POU6F2: variants seen among roughly 807,000 people sequenced by gnomAD.
The protein encoded by POU6F2 is POU class 6 homeobox 2.
A neutral mutation model predicts 71.3 loss-of-function variants in POU6F2; 31 were observed. The observed-to-expected ratio is 0.43, with a 90% CI of 0.33 to 0.59. The LOEUF (loss-of-function observed/expected upper bound fraction) is 0.59, where lower values mean the gene tolerates loss of function less well. Ranked by LOEUF, POU6F2 falls within the 20% of genes least tolerant of loss-of-function variation. The probability of loss-of-function intolerance (pLI) is 0.04; values close to 1 mark genes in which losing one functional copy is unlikely to be tolerated. For synonymous variants in POU6F2, 347 were observed against 355.7 expected, an observed-to-expected ratio of 0.98 and a Z score of 0.27; for missense variants, 783 against 856.8, an observed-to-expected ratio of 0.91 and a Z score of 1.07.
intron 5 of POU6F2, among the ~76,000 whole-genome samples, chr7:39,352,588 G>T (rs1383282601): frequency 6.6e-6 from 1 of 152,188 alleles, no homozygotes; most frequent in African/African-American, 2.4e-5. Flanking sequence ...TAAGGGGGCA[G>T]GGGTGCAGGA....
intron 1 of POU6F2, among the ~76,000 whole-genome samples, chr7:38,989,365 TTAA>T (rs1436798129): frequency 6.6e-6 from 1 of 152,020 alleles, no homozygotes; most frequent in Non-Finnish European, 1.5e-5. Context: ...ATTTAATTGT[TTAA>T]TAATTAAAAC....
At chr7:39,235,018 T>C (rs1298513640) in intron 4 of POU6F2, among the ~76,000 whole-genome samples, 1 of 152,240 alleles carries the variant, frequency 6.6e-6, no homozygotes, top group African/African-American at 2.4e-5. Context: ...TTTATGCGTT[T>C]GTAGCGCCTT....
At chr7:39,227,256 C>T (rs886197244) in intron 4 of POU6F2, among the ~76,000 whole-genome samples, 46 of 152,208 alleles carry the variant, frequency 3.0e-4, no homozygotes, top group Non-Finnish European at 3.5e-4. Context: ...TTGCTTAGAA[C>T]GTCCTCTTTT....
At chr7:39,102,613 G>A (rs1791596743) in intron 2 of POU6F2, among the ~76,000 whole-genome samples, 1 of 151,994 alleles carries the variant, frequency 6.6e-6, no homozygotes, top group Non-Finnish European at 1.5e-5. Context: ...CCTATCTAGG[G>A]ACAGAGGTAA....
intron 4 of POU6F2, among the ~76,000 whole-genome samples, chr7:39,228,628 G>A (rs1794516730): frequency 6.6e-6 from 1 of 152,234 alleles, no homozygotes; most frequent in South Asian, 2.1e-4. Context: ...TGTAATCACA[G>A]GATGCCGCCG....
intron 4 of POU6F2, among the ~76,000 whole-genome samples, chr7:39,331,647 A>G (rs1583530582): frequency 2.0e-5 from 3 of 152,256 alleles, no homozygotes; most frequent in East Asian, 1.9e-4. Context: ...AGCTGGGACT[A>G]CAGGCACACG....
At chr7:39,280,551 T>C (rs887763642) in intron 4 of POU6F2, among the ~76,000 whole-genome samples, 1 of 152,252 alleles carries the variant, frequency 6.6e-6, no homozygotes, top group Admixed American at 6.5e-5. Flanking sequence ...CAATTACAGC[T>C]GCATGTTGGT....
At chr7:39,150,687 C>T (rs910003906) in intron 2 of POU6F2, among the ~76,000 whole-genome samples, 3 of 151,780 alleles carry the variant, frequency 2.0e-5, no homozygotes, top group African/African-American at 4.8e-5. Flanking sequence ...AGGCTGGTCT[C>T]GAACTCCTGA....
Position 39,466,189 on chromosome 7 carries a change from A to C in POU6F2, c.*1503A>C, listed in dbSNP as rs370641447. On this transcript the variant is annotated 3_prime_UTR_variant, in exon 10 of 10. Coordinates refer to ENST00000518318, the MANE Select transcript of POU6F2 (RefSeq NM_001370959.1). ...GGGCCAGGTTCTTCAGGGGAAAGGA[A>C]GTTTGAAGAAGCTTTCACCAAAAGA... 4.6e-5 allele frequency: 7 copies of C among 152,250 alleles called. No homozygotes were observed. In the East Asian group the frequency reaches 5.8e-4, roughly 13 times the overall value. 9.4% of individuals were successfully genotyped at this position (152,250 alleles called of 1,614,324 possible). A position where few individuals can be genotyped will look rare whatever the true frequency, so the allele number is the denominator to read the frequency against.
chr7:39,110,715 T>C (rs1346610204), intron 2 of POU6F2, among the ~76,000 whole-genome samples: 1 of 152,228 alleles, frequency 6.6e-6, no homozygotes, highest in Non-Finnish European at 1.5e-5. Context: ...CAAAAGATGT[T>C]ATATAATTCT....
At chr7:38,986,282 C>T (rs550052610) in intron 1 of POU6F2, among the ~76,000 whole-genome samples, 25 of 152,184 alleles carry the variant, frequency 1.6e-4, no homozygotes, top group African/African-American at 5.3e-4. Flanking sequence ...TGGCTGTGAA[C>T]TCCTGGGCTC....
intron 4 of POU6F2, among the ~76,000 whole-genome samples, chr7:39,299,783 G>C (rs547189826): frequency 1.6e-4 from 25 of 152,304 alleles, no homozygotes; most frequent in Non-Finnish European, 2.2e-4. Context: ...CTGATGTCAA[G>C]GTCCCTCAGG....
rs552907921 is a variant in POU6F2 at position 39,375,191 on chromosome 7, C to T, written c.973-31409C>T. Among the ~76,000 whole-genome samples, 4 of 152,138 alleles carry T rather than the reference C, an allele frequency of 2.6e-5. No homozygotes were observed. The South Asian group carries it at 8.3e-4, about 32-fold the overall frequency. ...TGGGCATCCATTTGGCACTTTGAGC[C>T]TAATTTTTTTCCATTCAGGGGATTA... On this transcript the variant is annotated intron_variant, in intron 5 of 9. Transcript: ENST00000518318.
intron 1 of POU6F2, among the ~76,000 whole-genome samples, chr7:39,082,614 G>C (rs528179718): frequency 2.0e-5 from 3 of 152,218 alleles, no homozygotes; most frequent in Admixed American, 2.0e-4. Context: ...TCTTGGCAGA[G>C]AGAGAATGAC....
chr7:39,239,311 C>G (rs1195327617), intron 4 of POU6F2, among the ~76,000 whole-genome samples: 1 of 148,346 alleles, frequency 6.7e-6, no homozygotes. Context: ...TTTAAATTTC[C>G]TTATCTACAA....
intron 6 of POU6F2, among the ~76,000 whole-genome samples, chr7:39,430,157 A>G (rs183500481): frequency 5.3e-5 from 8 of 152,328 alleles, no homozygotes; most frequent in Admixed American, 3.9e-4. Context: ...GCCAATTGAA[A>G]CCAACATATT....
chr7:39,185,199 G>A (rs1178969602), intron 2 of POU6F2, among the ~76,000 whole-genome samples: 2 of 151,878 alleles, frequency 1.3e-5, no homozygotes, highest in East Asian at 3.9e-4. Context: ...ATTACAATAG[G>A]ATGGGTGGCG....
At chr7:39,005,170 C>T (rs965660707) in intron 1 of POU6F2, 1 of 152,350 alleles carries the variant, frequency 6.6e-6, no homozygotes, top group East Asian at 1.9e-4. Flanking sequence ...TTCCTCACAA[C>T]CCTCGCCAGT....
intron 5 of POU6F2, among the ~76,000 whole-genome samples, chr7:39,360,533 G>A (rs566373118): frequency 3.9e-5 from 6 of 152,286 alleles, no homozygotes; most frequent in Admixed American, 1.3e-4. Context: ...AAAATATCAC[G>A]TAGGGCACTC....
Sources: allele counts gnomAD v4.1 joint callset (sites outside exome capture counted in the v4.1 genomes callset), GRCh38; gene constraint gnomAD v4.1.1; transcripts MANE v1.5; gene names NCBI Gene and HGNC (gene_info 2026-07-23, HGNC 2026-07-21).